The following ATP2B2 variants were observed in gnomAD, a reference collection of about 807,000 sequenced individuals.
The protein encoded by ATP2B2 is ATPase plasma membrane Ca2+ transporting 2, also known as plasma membrane calcium-transporting ATPase 2.
Under a neutral mutation model 120.0 loss-of-function variants are expected in ATP2B2, and 15 were observed. The observed-to-expected ratio is 0.12, with a 90% CI of 0.08 to 0.19. ATP2B2 has a LOEUF of 0.19. ATP2B2 is among the 10% of genes least tolerant of loss of function. The pLI, the probability that ATP2B2 is intolerant of heterozygous loss-of-function variation, is 1.00. For synonymous variants in ATP2B2, 694 were observed against 700.3 expected, an observed-to-expected ratio of 0.99 and a Z score of 0.14; for missense variants, 1,045 against 1,719.8, an observed-to-expected ratio of 0.61 and a Z score of 6.94.
intron 1 of ATP2B2, among the ~76,000 whole-genome samples, chr3:10,452,135 G>C (rs1335656160): frequency 6.6e-6 from 1 of 152,246 alleles, no homozygotes; most frequent in Non-Finnish European, 1.5e-5. Flanking sequence ...GGTTCAGAGG[G>C]GTGAAGTCAC....
rs1021356990 is a variant in ATP2B2 at position 10,326,894 on chromosome 3, T to A, written c.*1920A>T. 2 of 398,800 alleles carry A rather than the reference T, an allele frequency of 5.0e-6. No homozygotes were observed. Among genetic ancestry groups the A allele is most frequent in the Non-Finnish European group, 8.8e-6 (2 of 226,026 alleles). 24.7% of individuals were successfully genotyped at this position (398,800 alleles called of 1,614,324 possible). On this transcript the variant is annotated 3_prime_UTR_variant, in exon 23 of 23. Transcript: ENST00000360273. The stretch of plus-strand genomic sequence containing the variant: ...TCTCATCTTGTTTGTGGAAGAGTTC[T>A]CTGGGCCTGGAGAAGGGAAGGGGCT...
intron 8 of ATP2B2, among the ~76,000 whole-genome samples, chr3:10,379,987 G>C (rs1465901831): frequency 6.6e-6 from 1 of 152,170 alleles, no homozygotes; most frequent in Non-Finnish European, 1.5e-5. Flanking sequence ...GGTCCCCATG[G>C]TGGTATACGA....
intron 22 of ATP2B2, chr3:10,331,812 G>T: frequency 1.8e-6 from 1 of 552,978 alleles, no homozygotes; most frequent in Non-Finnish European, 3.1e-6. Context: ...GGTTTCGTCA[G>T]CACAAAGGGA....
intron 1 of ATP2B2, among the ~76,000 whole-genome samples, chr3:10,501,883 C>G (rs1042080165): frequency 6.6e-6 from 1 of 152,168 alleles, no homozygotes; most frequent in African/African-American, 2.4e-5. Context: ...CCCCAGGGTG[C>G]GGAGTGAAAT....
intron 1 of ATP2B2, among the ~76,000 whole-genome samples, chr3:10,503,646 C>T (rs536987222): frequency 4.3e-4 from 65 of 152,340 alleles, no homozygotes; most frequent in African/African-American, 1.4e-3. Flanking sequence ...TGCCTGTGGC[C>T]GTCTTCTTAT....
At chr3:10,577,763 C>G (rs915937132) in intron 2 of ATP2B2, among the ~76,000 whole-genome samples, 1 of 152,188 alleles carries the variant, frequency 6.6e-6, no homozygotes, top group African/African-American at 2.4e-5. Context: ...GGCAGGGTTA[C>G]CGGGGAACCT....
intron 2 of ATP2B2, among the ~76,000 whole-genome samples, chr3:10,541,913 C>T (rs938161232): frequency 2.0e-5 from 3 of 152,122 alleles, no homozygotes; most frequent in Admixed American, 1.3e-4. Flanking sequence ...TTTTGCCTTA[C>T]ATATTTTACA....
intron 2 of ATP2B2, among the ~76,000 whole-genome samples, chr3:10,435,555 G>A (rs1014402261): frequency 7.2e-5 from 11 of 152,174 alleles, no homozygotes; most frequent in African/African-American, 2.4e-4. Context: ...TCTGCCTTAC[G>A]GGTATTTGTG....
chr3:10,358,739 T>G lies in ATP2B2; in HGVS notation c.2088A>C (p.Glu696Asp). 2.5e-6 allele frequency: 4 copies of G among 1,614,100 alleles called. No individual in the cohort carries two copies. The South Asian group carries it at 3.3e-5, about 13-fold the overall frequency. ...DWDNENDILN[E>D]LTCICVVGIE... The stretch of plus-strand genomic sequence containing the variant: ...TGCCCACCACGCAGATGCAGGTGAG[T>G]TCGTTGAGGATGTCATTCTCATTGT... The change falls in exon 14 of 23, where the codon GAA (glutamate) becomes GAC (aspartate). Residue 696 changes from glutamate to aspartate, a missense_variant. Transcript: ENST00000360273.
At chr3:10,403,501 C>T (rs758154836) in intron 3 of ATP2B2, among the ~76,000 whole-genome samples, 9 of 152,374 alleles carry the variant, frequency 5.9e-5, no homozygotes, top group Middle Eastern at 3.4e-3. Context: ...GGCCCTTCCA[C>T]GCCCCTCTCT....
chr3:10,484,270 C>A (rs891751355), intron 1 of ATP2B2, among the ~76,000 whole-genome samples: 13 of 152,096 alleles, frequency 8.5e-5, no homozygotes, highest in Non-Finnish European at 1.3e-4. Context: ...GACCTGAACA[C>A]CTTGGGGGCA....
chr3:10,688,197 G>T (rs2071569604), intron 1 of ATP2B2, among the ~76,000 whole-genome samples: 1 of 152,248 alleles, frequency 6.6e-6, no homozygotes, highest in South Asian at 2.1e-4. Context: ...TGCCTCATAA[G>T]GTTCCTAAGA....
chr3:10,438,351 C>T (rs961926847), intron 2 of ATP2B2, among the ~76,000 whole-genome samples: 1 of 152,194 alleles, frequency 6.6e-6, no homozygotes, highest in Non-Finnish European at 1.5e-5. Context: ...AAGGGCTCAC[C>T]CAACAGCCTG....
At chr3:10,707,543 G>A (rs1267131524) in intron 1 of ATP2B2, among the ~76,000 whole-genome samples, 4 of 152,208 alleles carry the variant, frequency 2.6e-5, no homozygotes, top group Non-Finnish European at 5.9e-5. Flanking sequence ...GGAGCCATCT[G>A]GGAAGAAGAA....
chr3:10,471,003 G>GGGGGCCCTGC (rs990319256), intron 1 of ATP2B2, among the ~76,000 whole-genome samples: 4 of 152,326 alleles, frequency 2.6e-5, no homozygotes, highest in Middle Eastern at 3.4e-3. Flanking sequence ...GGGGGGCCTG[G>GGGGGCCCTGC]GGGGCCCTGC....
At chr3:10,688,335 G>A (rs1559522170) in intron 1 of ATP2B2, among the ~76,000 whole-genome samples, 1 of 152,218 alleles carries the variant, frequency 6.6e-6, no homozygotes, top group African/African-American at 2.4e-5. Flanking sequence ...TGGTGGGTCA[G>A]AAGGGCACAT....
chr3:10,469,045 C>A (rs1034143796), intron 1 of ATP2B2, among the ~76,000 whole-genome samples: 2 of 151,656 alleles, frequency 1.3e-5, no homozygotes, highest in African/African-American at 4.8e-5. Flanking sequence ...TTTCTTATTT[C>A]CACTCATCTC....
intron 1 of ATP2B2, among the ~76,000 whole-genome samples, chr3:10,680,705 T>C (rs1456136001): frequency 3.3e-5 from 5 of 152,160 alleles, no homozygotes; most frequent in Admixed American, 3.3e-4. Flanking sequence ...TTTTACACAT[T>C]CGTCCTGAGC....
chr3:10,397,654 T>C (rs1433876083), intron 5 of ATP2B2, among the ~76,000 whole-genome samples: 1 of 151,986 alleles, frequency 6.6e-6, no homozygotes, highest in Non-Finnish European at 1.5e-5. Flanking sequence ...CAGAGGCAGA[T>C]TGAAGGGAGC....
Sources: gnomAD v4.1 joint callset for allele counts (sites outside exome capture counted in the v4.1 genomes callset) on GRCh38, gnomAD v4.1.1 for gene constraint, MANE v1.5 for transcripts, NCBI Gene and HGNC (gene_info 2026-07-23, HGNC 2026-07-21) for gene names.